Variants in SPATS2 observed in about 807,000 individuals in gnomAD.
SPATS2 encodes the protein spermatogenesis associated serine rich 2.
A neutral mutation model predicts 63.7 loss-of-function variants in SPATS2; 38 were observed. That is an observed-to-expected ratio of 0.60 (90% CI 0.46 to 0.78). The LOEUF is 0.78. SPATS2 is among the 30% of genes least tolerant of loss of function. SPATS2 has a pLI of 0.00. For missense variants in SPATS2, 588 were observed against 666.2 expected, an observed-to-expected ratio of 0.88 and a Z score of 1.29; for synonymous variants, 207 against 232.9, an observed-to-expected ratio of 0.89 and a Z score of 1.01.
At chr12:49,382,315 A>G (rs1437074289) in intron 2 of SPATS2, among the ~76,000 whole-genome samples, 5 of 152,260 alleles carry the variant, frequency 3.3e-5, no homozygotes, top group Non-Finnish European at 7.3e-5. Context: ...GCATGCATGC[A>G]GTAAACAAAA....
intron 2 of SPATS2, among the ~76,000 whole-genome samples, chr12:49,447,769 C>T (rs536750208): frequency 6.6e-6 from 1 of 152,094 alleles, no homozygotes. Context: ...TAAAGTTGCT[C>T]ATAGCATTTC....
rs1354975099 is a variant in SPATS2, at chr12:49,499,390, G to GGTTGT, written c.704-679_704-675dup. On this transcript the variant is annotated intron_variant, in intron 8 of 13. Transcript: ENST00000552918. ...GTGAGCTCTGGGGATTGTTCTGCCT[G>GGTTGT]GTTGTTTTGTTTTGTTTTGTTTTGT... Among the ~76,000 whole-genome samples, 28 of 132,722 alleles carry GGTTGT rather than the reference G, an allele frequency of 2.1e-4. No individual in the cohort carries two copies. The East Asian group carries it at 5.7e-3, about 27-fold the overall frequency. 87.1% of individuals were successfully genotyped at this position (132,722 alleles called of 152,430 possible).
At chr12:49,385,624 C>A (rs12296998) in intron 2 of SPATS2, among the ~76,000 whole-genome samples, 2 of 151,892 alleles carry the variant, frequency 1.3e-5, no homozygotes, top group Middle Eastern at 3.4e-3. Flanking sequence ...AATTTTCTTA[C>A]GATTGTTTTA....
rs545361841 is a variant in SPATS2, at chr12:49,391,381, G to A, written c.-244+20091G>A. ...ACAAAAATTAGCTGGTCGTGGAGGC[G>A]TGTGCCTGTAATCCCAGCTACTCGG... On this transcript the variant is annotated intron_variant, in intron 2 of 13. Transcript: ENST00000552918. Among the ~76,000 whole-genome samples the A allele has an allele frequency of 3.3e-5, 5 of 152,222 alleles. No individual in the cohort carries two copies. The East Asian group carries it at 5.8e-4, about 18-fold the overall frequency.
Position 49,494,771 on chromosome 12 carries a change from G to A in SPATS2, c.295G>A (p.Ala99Thr). 6.3e-7 allele frequency: 1 copy of A among 1,596,120 alleles called. No homozygotes were observed. Among genetic ancestry groups the A allele is most frequent in the Non-Finnish European group, 8.5e-7 (1 of 1,172,156 alleles). The change falls in exon 7 of 14, where the codon GCC (alanine) becomes ACC (threonine). Residue 99 changes from alanine to threonine, a missense_variant. By Grantham distance (58) the Ala-to-Thr change is moderately conservative. Transcript: ENST00000552918. ...AAAGAAGAAAAACAAACCGAAACCT[G>A]CCGCAGAACCAAGTAACGGCATCCC... ...NKKKKNKPKP[A>T]AEPSNGIPDS...
In SPATS2 at chr12:49,436,261, C is replaced by T. The variant is rs1162863467; in HGVS notation, c.-243-24509C>T. 2.6e-3 allele frequency among the ~76,000 whole-genome samples: 390 copies of T among 147,506 alleles called. 1 individual carries two copies. The highest frequency in any genetic ancestry group is 2.8e-3 in the Non-Finnish European group (184 of 66,740). On this transcript the variant is annotated intron_variant, in intron 2 of 13. Coordinates refer to ENST00000552918, the MANE Select transcript of SPATS2 (RefSeq NM_023071.4). ...TCACCTCCCGGACGGGGCGGCTGGC[C>T]GGGCGGGGGGCTGACCTCCCCACCT...
upstream of SPATS2, chr12:49,367,425 G>C (rs1410970952): frequency 2.5e-6 from 1 of 398,052 alleles, no homozygotes; most frequent in African/African-American, 2.1e-5. Flanking sequence ...GGGCGGGGCG[G>C]CGTCCGGCTC....
chr12:49,460,579 A>C (rs2137674916), intron 2 of SPATS2, among the ~76,000 whole-genome samples, 191 bp from the exon 3 acceptor site: 1 of 152,368 alleles, frequency 6.6e-6, no homozygotes, highest in South Asian at 2.1e-4. Context: ...CTAAACTAAG[A>C]GGATAATCTG....
rs374362647 is a variant in SPATS2 at position 49,475,527 on chromosome 12, G to A, written c.26-9063G>A. On this transcript the variant is annotated intron_variant, in intron 3 of 13. Transcript: ENST00000552918. ...GTGGTCTCGGCTCACTGCAAGCTCC[G>A]CCTCCCTGGTTCAAGCAGTTCCCCT... Among the ~76,000 whole-genome samples, 71 of 152,206 alleles carry A rather than the reference G, an allele frequency of 4.7e-4. 1 individual carries two copies. The South Asian group carries it at 0.014, about 31-fold the overall frequency.
intron 2 of SPATS2, among the ~76,000 whole-genome samples, chr12:49,388,639 G>A (rs552784239): frequency 6.7e-5 from 10 of 150,252 alleles, no homozygotes; most frequent in African/African-American, 2.4e-4. Flanking sequence ...GCCTCCCAAA[G>A]TGTTGGGATT....
chr12:49,437,900 A>T (rs1347387443), intron 2 of SPATS2, among the ~76,000 whole-genome samples: 1 of 152,214 alleles, frequency 6.6e-6, no homozygotes, highest in Non-Finnish European at 1.5e-5. Context: ...TTTCTTATGT[A>T]CAAATGACTA....
chr12:49,495,545 A>T (rs1334421257), intron 7 of SPATS2, among the ~76,000 whole-genome samples: 1 of 152,150 alleles, frequency 6.6e-6, no homozygotes, highest in East Asian at 1.9e-4. Context: ...TGTCTAAATC[A>T]GTTTTGTGGA....
chr12:49,443,204 A>G lies in SPATS2; in HGVS notation c.-243-17566A>G, dbSNP rs116676343. 3.0e-3 allele frequency among the ~76,000 whole-genome samples: 453 copies of G among 152,358 alleles called. 4 individuals are homozygous for G. Among genetic ancestry groups the G allele is most frequent in the African/African-American group, 0.01 (433 of 41,578 alleles). On this transcript the variant is annotated intron_variant, in intron 2 of 13. Transcript: ENST00000552918. ...GCTATTGTGAATAATGCTGCAGTGAACATAGGTGTGCAGATATCTCTGAGA... is the reference window on the plus strand; with the variant it reads ...GCTATTGTGAATAATGCTGCAGTGAGCATAGGTGTGCAGATATCTCTGAGA...
intron 13 of SPATS2, 128 bp from the exon 14 acceptor site, chr12:49,525,816 G>A (rs770500925): frequency 9.6e-5 from 98 of 1,016,050 alleles, no homozygotes; most frequent in Non-Finnish European, 1.4e-4. Flanking sequence ...AATTCTTTGA[G>A]TCTTGAGAGA....
intron 9 of SPATS2, among the ~76,000 whole-genome samples, chr12:49,510,143 A>G (rs1946726520): frequency 6.6e-6 from 1 of 151,174 alleles, no homozygotes; most frequent in Admixed American, 6.6e-5. Flanking sequence ...ACACACCTTT[A>G]ATCCTAGCTA....
intron 2 of SPATS2, among the ~76,000 whole-genome samples, chr12:49,449,693 C>T (rs992041810): frequency 1.1e-4 from 16 of 152,148 alleles, no homozygotes; most frequent in African/African-American, 3.9e-4. Flanking sequence ...TGGAAGCAGG[C>T]AAGAAAGTTT....
chr12:49,521,993 G>A (rs1283621641), intron 11 of SPATS2, among the ~76,000 whole-genome samples: 3 of 149,956 alleles, frequency 2.0e-5, no homozygotes, highest in Non-Finnish European at 4.4e-5. Flanking sequence ...TTATATCTAG[G>A]CCTTTCACTT....
chr12:49,380,688 A>C (rs1176081739), intron 2 of SPATS2, among the ~76,000 whole-genome samples: 2 of 151,518 alleles, frequency 1.3e-5, no homozygotes, highest in African/African-American at 4.9e-5. Flanking sequence ...CCTGGGAGAC[A>C]GAGCAAGACT....
chr12:49,462,284 C>A (rs1188613171), intron 3 of SPATS2: 1 of 702,286 alleles, frequency 1.4e-6, no homozygotes. Flanking sequence ...GGAAGGAGAG[C>A]GCGAGTGAAC....
Sources: allele counts gnomAD v4.1 joint callset (sites outside exome capture counted in the v4.1 genomes callset), GRCh38; gene constraint gnomAD v4.1.1; transcripts MANE v1.5; gene names NCBI Gene and HGNC (gene_info 2026-07-23, HGNC 2026-07-21).